The following ANGPTL5 variants were observed in gnomAD, a reference collection of about 807,000 sequenced individuals.
The protein encoded by ANGPTL5 is angiopoietin like 5, also known as angiopoietin-related protein 5.
Under a neutral mutation model 39.4 loss-of-function variants are expected in ANGPTL5, and 34 were observed. The ratio of observed to expected loss-of-function variants is 0.86; its 90% confidence interval spans 0.66 to 1.15. The LOEUF (loss-of-function observed/expected upper bound fraction) is 1.15, where lower values mean the gene tolerates loss of function less well. Among genes scored for constraint, ANGPTL5 ranks in the 50% most tolerant of loss-of-function variants. The pLI, the probability that ANGPTL5 is intolerant of heterozygous loss-of-function variation, is 0.00. For missense variants in ANGPTL5, 467 were observed against 457.5 expected, an observed-to-expected ratio of 1.02 and a Z score of -0.19; for synonymous variants, 146 against 152.1, an observed-to-expected ratio of 0.96 and a Z score of 0.29.
At chr11:101,902,562 T>G in intron 6 of ANGPTL5, 59 bp downstream of exon 6, 1 of 1,193,196 alleles carries the variant, frequency 8.4e-7, no homozygotes, top group Non-Finnish European at 1.2e-6. Context: ...ATAAATTAAA[T>G]TGGTTGGATG....
At chr11:101,903,306 A>G (rs563773484) in intron 5 of ANGPTL5, among the ~76,000 whole-genome samples, 47 of 152,252 alleles carry the variant, frequency 3.1e-4, no homozygotes, top group African/African-American at 1.1e-3. Flanking sequence ...ATAGCACCCC[A>G]TAATCACCTT....
In ANGPTL5 at chr11:101,907,887, G is replaced by A; in HGVS notation, c.23C>T (p.Ser8Leu). MMSPSQA[S>L]LLFLNVCIFI... The stretch of plus-strand genomic sequence containing the variant: ...AATACATACATTTAAGAATAAGAGT[G>A]AGGCTTGGGATGGAGACATCATATT... Residue 8 changes from serine (S) to leucine (L), a missense_variant, in exon 2 of 9, where the codon TCA (serine) becomes TTA (leucine). Physicochemically the swap from Ser to Leu is moderately radical, Grantham distance 145. Transcript: ENST00000334289. 1 of 1,609,498 alleles carries A rather than the reference G, an allele frequency of 6.2e-7. No homozygotes were observed.
At chr11:101,915,014 C>G in intron 1 of ANGPTL5, 1 of 400,960 alleles carries the variant, frequency 2.5e-6, no homozygotes, top group Non-Finnish European at 4.5e-6. Context: ...AAGGACGCGC[C>G]GTCGGTTGTT....
chr11:101,907,475 A>G (rs1434878166), intron 2 of ANGPTL5, among the ~76,000 whole-genome samples: 2 of 152,238 alleles, frequency 1.3e-5, no homozygotes, highest in East Asian at 3.9e-4. Context: ...TCACAGGACA[A>G]TATTTGAAAT....
chr11:101,900,617 C>G (rs1939877355), intron 6 of ANGPTL5, 67 bp from the exon 7 acceptor site: 2 of 1,526,068 alleles, frequency 1.3e-6, no homozygotes, highest in African/African-American at 2.7e-5. Flanking sequence ...ATATAACACT[C>G]ATGCTTCATC....
At chr11:101,896,291 T>G (rs1406578342) in intron 7 of ANGPTL5, among the ~76,000 whole-genome samples, 1 of 151,562 alleles carries the variant, frequency 6.6e-6, no homozygotes, top group Non-Finnish European at 1.5e-5. Flanking sequence ...TTCAAGCGAT[T>G]CTCATGCCTC....
Position 101,890,915 on chromosome 11 carries a change from T to C in ANGPTL5, c.*364A>G, listed in dbSNP as rs186717219. On this transcript the variant is annotated 3_prime_UTR_variant, in exon 9 of 9. Transcript: ENST00000334289. ...CTGTAGATTATATAATCATATAAAG[T>C]ATAAAAATAAGTAAAATATTCCCTT... The C allele has an allele frequency of 9.0e-5, 16 of 178,076 alleles. No homozygotes were observed. Among genetic ancestry groups the C allele is most frequent in the Admixed American group, 8.4e-4 (15 of 17,870 alleles). 11.0% of individuals were successfully genotyped at this position (178,076 alleles called of 1,614,324 possible). A position where few individuals can be genotyped will look rare whatever the true frequency, so the allele number is the denominator to read the frequency against.
intron 8 of ANGPTL5, among the ~76,000 whole-genome samples, chr11:101,894,462 T>G (rs965920238): frequency 2.0e-5 from 3 of 152,218 alleles, no homozygotes; most frequent in African/African-American, 7.2e-5. Flanking sequence ...TTGGCTCAGG[T>G]GACGTGATCT....
At chr11:101,895,122 T>C in intron 7 of ANGPTL5, 58 bp from the exon 8 acceptor site, 1 of 1,316,282 alleles carries the variant, frequency 7.6e-7, no homozygotes, top group Non-Finnish European at 1.0e-6. Context: ...TAATGGTTTA[T>C]TATTGAATGT....
chr11:101,900,659 C>T, intron 6 of ANGPTL5, 109 bp from the exon 7 acceptor site: 1 of 1,134,702 alleles, frequency 8.8e-7, no homozygotes, highest in South Asian at 1.3e-5. Flanking sequence ...GGTACTGCCA[C>T]TGAGTTTTCA....
At chr11:101,905,575 G>A (rs1939984819) in intron 4 of ANGPTL5, among the ~76,000 whole-genome samples, 169 bp downstream of exon 4, 1 of 152,024 alleles carries the variant, frequency 6.6e-6, no homozygotes, top group South Asian at 2.1e-4. Context: ...AATTAAGTTC[G>A]ATTTTTTTAC....
At chr11:101,908,036 T>G in intron 1 of ANGPTL5, 35 bp from the exon 2 acceptor site, 3 of 697,260 alleles carry the variant, frequency 4.3e-6, no homozygotes, top group Non-Finnish European at 2.5e-6. Context: ...AAGCCAAAAC[T>G]TACTAGTTTC....
chr11:101,903,281 A>G (rs930211180), intron 5 of ANGPTL5, among the ~76,000 whole-genome samples: 2 of 152,158 alleles, frequency 1.3e-5, no homozygotes, highest in African/African-American at 4.8e-5. Context: ...TACTCTGTTA[A>G]CAACAGTTAG....
chr11:101,892,886 C>G (rs1591249880), intron 8 of ANGPTL5, among the ~76,000 whole-genome samples: 2 of 152,306 alleles, frequency 1.3e-5, no homozygotes, highest in East Asian at 3.9e-4. Context: ...TACCCCAGTT[C>G]TGCTGATTAT....
At chr11:101,909,488 A>C (rs1024189824) in intron 1 of ANGPTL5, among the ~76,000 whole-genome samples, 1 of 152,244 alleles carries the variant, frequency 6.6e-6, no homozygotes, top group Non-Finnish European at 1.5e-5. Context: ...TTTATAATTT[A>C]TATTAATAGG....
chr11:101,901,751 A>AT (rs1555047577), intron 6 of ANGPTL5, among the ~76,000 whole-genome samples: 1 of 152,090 alleles, frequency 6.6e-6, no homozygotes, highest in Non-Finnish European at 1.5e-5. Context: ...CTAATTTCCA[A>AT]TTTTTTGACA....
At chr11:101,897,672 T>C (rs1366362011) in intron 7 of ANGPTL5, among the ~76,000 whole-genome samples, 2 of 152,170 alleles carry the variant, frequency 1.3e-5, no homozygotes, top group Non-Finnish European at 2.9e-5. Flanking sequence ...TGTAGATTTG[T>C]GGTGTTATTT....
intron 4 of ANGPTL5, 35 bp from the exon 5 acceptor site, chr11:101,904,942 A>C (rs11225057): frequency 0.028 from 41,917 of 1,502,878 alleles, 806 homozygotes; most frequent in Middle Eastern, 0.064. Context: ...GTAAATTTAT[A>C]TTTGAAGAAA....
At chr11:101,915,326 A>C in intron 1 of ANGPTL5, 5 of 1,613,930 alleles carry the variant, frequency 3.1e-6, no homozygotes, top group Non-Finnish European at 4.2e-6. Context: ...CGGTCGGGGA[A>C]CTGGGCACTG....
Sources: allele counts gnomAD v4.1 joint callset (sites outside exome capture counted in the v4.1 genomes callset), GRCh38; gene constraint gnomAD v4.1.1; transcripts MANE v1.5; gene names NCBI Gene and HGNC (gene_info 2026-07-23, HGNC 2026-07-21).